Variants in NTM observed in about 807,000 individuals in gnomAD.
NTM encodes neurotrimin, also known as IgLON family member 2.
In NTM, 13 loss-of-function variants were observed where a neutral mutation model predicts 42.1. That is an observed-to-expected ratio of 0.31 (90% CI 0.20 to 0.49). The LOEUF is 0.49. Among genes scored for constraint, NTM ranks in the 20% least tolerant of loss-of-function variants. The pLI, the probability that NTM is intolerant of heterozygous loss-of-function variation, is 0.99. For synonymous variants in NTM, 187 were observed against 179.2 expected (o/e 1.04, Z -0.35); for missense variants, 373 against 452.8 (o/e 0.82, Z 1.60).
intron 1 of NTM, among the ~76,000 whole-genome samples, chr11:131,833,462 G>T (rs1315918501): frequency 1.3e-5 from 2 of 152,144 alleles, no homozygotes; most frequent in African/African-American, 2.4e-5. Flanking sequence ...GCACAGAGAG[G>T]TTTATATGCC....
At chr11:132,282,976 CTTTTTTTTTTT>C (rs142817071) in intron 4 of NTM, among the ~76,000 whole-genome samples, 115 of 108,966 alleles carry the variant, frequency 1.1e-3, no homozygotes, top group Middle Eastern at 5.1e-3. Flanking sequence ...TCCTTTATTC[CTTTTTTTTTTT>C]TTTTTTTTTT....
chr11:132,035,937 C>T (rs1378657270), intron 2 of NTM, among the ~76,000 whole-genome samples: 1 of 152,138 alleles, frequency 6.6e-6, no homozygotes, highest in African/African-American at 2.4e-5. Flanking sequence ...TGAGTGTGGA[C>T]CATGTGCTGC....
intron 1 of NTM, among the ~76,000 whole-genome samples, chr11:131,525,953 C>T (rs1049081014): frequency 3.3e-5 from 5 of 152,206 alleles, no homozygotes; most frequent in African/African-American, 1.2e-4. Flanking sequence ...TGCAAACTGT[C>T]TCATGGCTCC....
intron 1 of NTM, among the ~76,000 whole-genome samples, chr11:131,850,251 G>A (rs1021687365): frequency 2.0e-5 from 3 of 152,084 alleles, no homozygotes; most frequent in Admixed American, 6.6e-5. Flanking sequence ...AATAACAAAC[G>A]AGGATATTCA....
chr11:132,096,891 G>A (rs2136485675), intron 2 of NTM, among the ~76,000 whole-genome samples: 1 of 152,296 alleles, frequency 6.6e-6, no homozygotes, highest in Admixed American at 6.5e-5. Context: ...AGGCTATGCT[G>A]GCCCTGGGAG....
chr11:131,598,778 C>CTTT (rs1565685834), intron 1 of NTM, among the ~76,000 whole-genome samples: 16 of 64,348 alleles, frequency 2.5e-4, no homozygotes, highest in East Asian at 1.1e-3. Flanking sequence ...TTCTTTCTTT[C>CTTT]TTTCTTCTTT....
chr11:131,567,623 A>T (rs2057029092), intron 1 of NTM, among the ~76,000 whole-genome samples: 1 of 152,248 alleles, frequency 6.6e-6, no homozygotes, highest in African/African-American at 2.4e-5. Flanking sequence ...GTTCATGAGG[A>T]ATACAACTTA....
At chr11:131,378,856 C>T (rs547639412) in intron 1 of NTM, among the ~76,000 whole-genome samples, 45 of 152,330 alleles carry the variant, frequency 3.0e-4, no homozygotes, top group African/African-American at 1.0e-3. Context: ...GCTTCCACTG[C>T]TCCCTCCTTC....
chr11:132,124,610 C>CGT (rs373072343), intron 2 of NTM, among the ~76,000 whole-genome samples: 126 of 152,134 alleles, frequency 8.3e-4, no homozygotes, highest in East Asian at 5.2e-3. Flanking sequence ...TTTTTGTGTA[C>CGT]GTGTGTGTGT....
chr11:131,532,047 T>C (rs545023407), intron 1 of NTM, among the ~76,000 whole-genome samples: 4 of 152,336 alleles, frequency 2.6e-5, no homozygotes, highest in Admixed American at 2.0e-4. Context: ...GTGGTGTTTG[T>C]GGTGATTTTC....
intron 1 of NTM, among the ~76,000 whole-genome samples, chr11:131,403,166 G>A (rs759501624): frequency 2.0e-5 from 3 of 152,208 alleles, no homozygotes; most frequent in Non-Finnish European, 4.4e-5. Context: ...TCCAGTCACA[G>A]ACAGACTCAC....
chr11:131,863,696 G>A (rs944649282), intron 1 of NTM, among the ~76,000 whole-genome samples: 3 of 152,222 alleles, frequency 2.0e-5, no homozygotes, highest in African/African-American at 7.2e-5. Flanking sequence ...GGGATATGGA[G>A]AAACATGAGC....
chr11:132,095,388 G>A (rs535424843), intron 2 of NTM, among the ~76,000 whole-genome samples: 1 of 152,202 alleles, frequency 6.6e-6, no homozygotes, highest in East Asian at 1.9e-4. Context: ...TCTCCGCCAA[G>A]GCTCTGCAGG....
intron 2 of NTM, among the ~76,000 whole-genome samples, chr11:132,118,370 C>T (rs149340729): frequency 6.6e-6 from 1 of 152,170 alleles, no homozygotes; most frequent in Non-Finnish European, 1.5e-5. Flanking sequence ...TTTGAGAGGG[C>T]TGAGCATGGA....
chr11:132,039,633 C>A (rs1328457040), intron 2 of NTM, among the ~76,000 whole-genome samples: 1 of 152,046 alleles, frequency 6.6e-6, no homozygotes. Context: ...AGAGGACAAG[C>A]AATTCAGGGA....
chr11:131,499,200 G>A (rs1438629807), intron 1 of NTM, among the ~76,000 whole-genome samples: 3 of 152,176 alleles, frequency 2.0e-5, no homozygotes, highest in African/African-American at 7.2e-5. Context: ...ATTTTGGAGT[G>A]AGTGATGTGG....
chr11:131,801,799 G>A (rs1430218591), intron 1 of NTM, among the ~76,000 whole-genome samples: 3 of 152,032 alleles, frequency 2.0e-5, no homozygotes, highest in Admixed American at 6.6e-5. Context: ...CCCGTAACAC[G>A]TTCTGACGTC....
intron 1 of NTM, among the ~76,000 whole-genome samples, chr11:131,557,009 TTG>T (rs760096151): frequency 1.3e-5 from 2 of 151,530 alleles, no homozygotes; most frequent in Non-Finnish European, 2.9e-5. Context: ...GCGTGTGTGT[TTG>T]TGTGTGTGTG....
chr11:131,985,782 CAAG>C (rs920294315), intron 2 of NTM, among the ~76,000 whole-genome samples: 4 of 152,052 alleles, frequency 2.6e-5, no homozygotes, highest in Non-Finnish European at 5.9e-5. Flanking sequence ...GTAGGGTGCC[CAAG>C]AAGAAGAGAA....
Sources: allele counts gnomAD v4.1 joint callset (sites outside exome capture counted in the v4.1 genomes callset), GRCh38; gene constraint gnomAD v4.1.1; transcripts MANE v1.5; gene names NCBI Gene and HGNC (gene_info 2026-07-23, HGNC 2026-07-21).